The following PPP1R16B variants were observed in gnomAD, a reference collection of about 807,000 sequenced individuals.
The protein encoded by PPP1R16B is protein phosphatase 1 regulatory inhibitor subunit 16B.
PPP1R16B carries 14 observed loss-of-function variants against 61.7 expected under a neutral mutation model. The ratio of observed to expected loss-of-function variants is 0.23; its 90% CI spans 0.15 to 0.35. The LOEUF is 0.35. PPP1R16B is among the 10% of genes least tolerant of loss of function. The probability of loss-of-function intolerance (pLI) is 1.00; values close to 1 mark genes in which losing one functional copy is unlikely to be tolerated. For synonymous variants in PPP1R16B, 266 were observed against 305.3 expected (o/e 0.87, Z 1.34); for missense variants, 547 against 752.5 (o/e 0.73, Z 3.19).
At position 38,907,119 on chromosome 20, in the gene PPP1R16B, G is replaced by A; in HGVS notation, c.898+65G>A. The stretch of plus-strand genomic sequence containing the variant: ...TTATCAATGTTTTGATGGGTAGAGG[G>A]AGAAATAGATAAATATATGGTTGTA... On this transcript the variant is annotated intron_variant, in intron 8 of 10. Coordinates refer to ENST00000299824, the MANE Select transcript of PPP1R16B (RefSeq NM_015568.4). This position sits in a 1 kb window ranked among gnomAD's most constrained non-coding sequence, Gnocchi z 4.5. 7.8e-7 allele frequency: 1 copy of A among 1,274,564 alleles called. No individual in the cohort carries two copies. Among genetic ancestry groups the A allele is most frequent in the Non-Finnish European group, 1.1e-6 (1 of 872,000 alleles). 79.0% of individuals were successfully genotyped at this position (1,274,564 alleles called of 1,614,324 possible). A position where few individuals can be genotyped will look rare whatever the true frequency, so the allele number is the denominator to read the frequency against.
In PPP1R16B at chr20:38,843,860, T is replaced by A. The variant is rs550959400; in HGVS notation, c.250+7685T>A. Among the ~76,000 whole-genome samples the A allele has an allele frequency of 2.6e-5, 4 of 152,364 alleles. No individual in the cohort carries two copies. In the South Asian group the frequency reaches 8.3e-4, roughly 32 times the overall value. On this transcript the variant is annotated intron_variant, in intron 2 of 10. Transcript: ENST00000299824. ...AATGGAAGACAGTTGGAGTATCTTA[T>A]CTGCTTCTGCCTTCAATCTGTTGTG...
At chr20:38,816,571 CT>C (rs981924883) in intron 1 of PPP1R16B, among the ~76,000 whole-genome samples, 1 of 152,210 alleles carries the variant, frequency 6.6e-6, no homozygotes, top group African/African-American at 2.4e-5. Flanking sequence ...GTCGACCCAC[CT>C]GGGGGGAACC....
intron 2 of PPP1R16B, chr20:38,838,032 G>A (rs1568657931): frequency 1.3e-5 from 2 of 152,220 alleles, no homozygotes; most frequent in Non-Finnish European, 1.5e-5. Flanking sequence ...CTTGACCAAG[G>A]TGGCAGAGCG....
At chr20:38,872,392 T>C (rs1383773601) in intron 2 of PPP1R16B, among the ~76,000 whole-genome samples, 1 of 152,036 alleles carries the variant, frequency 6.6e-6, no homozygotes, top group Non-Finnish European at 1.5e-5. Flanking sequence ...CTGGCGAACA[T>C]TTGCGGAGCG....
At chr20:38,831,043 C>T (rs189086801) in intron 1 of PPP1R16B, among the ~76,000 whole-genome samples, 36 of 152,338 alleles carry the variant, frequency 2.4e-4, no homozygotes, top group South Asian at 1.0e-3. Flanking sequence ...CAATCTGACA[C>T]GGGTGGACAT....
intron 1 of PPP1R16B, among the ~76,000 whole-genome samples, chr20:38,827,316 T>C (rs576756048): frequency 1.4e-4 from 22 of 152,332 alleles, no homozygotes; most frequent in African/African-American, 5.3e-4. Flanking sequence ...GTAGGTCTGT[T>C]ATTGTTCCAC....
At chr20:38,837,550 T>G (rs1361379203) in intron 2 of PPP1R16B, among the ~76,000 whole-genome samples, 1 of 149,706 alleles carries the variant, frequency 6.7e-6, no homozygotes, top group Non-Finnish European at 1.5e-5. Flanking sequence ...TTTTTTTTCT[T>G]TTTTTTTTTG....
intron 1 of PPP1R16B, among the ~76,000 whole-genome samples, chr20:38,828,781 C>T (rs901663347): frequency 6.6e-6 from 1 of 152,256 alleles, no homozygotes; most frequent in Non-Finnish European, 1.5e-5. Flanking sequence ...CAGGACCCAG[C>T]ACTGAGTAAT....
At chr20:38,905,560 G>A (rs1392528603) in intron 6 of PPP1R16B, among the ~76,000 whole-genome samples, 2 of 152,198 alleles carry the variant, frequency 1.3e-5, no homozygotes, top group East Asian at 3.9e-4. Flanking sequence ...CTTGTTAGAA[G>A]TGAGTCACTC....
At chr20:38,900,538 TA>T in intron 4 of PPP1R16B, 42 bp from the exon 5 acceptor site, 1 of 1,544,752 alleles carries the variant, frequency 6.5e-7, no homozygotes, top group Non-Finnish European at 8.8e-7. Context: ...AGACCAACCC[TA>T]GCCACACCTA....
intron 1 of PPP1R16B, among the ~76,000 whole-genome samples, chr20:38,823,131 A>T (rs1168611053): frequency 6.6e-6 from 1 of 152,224 alleles, no homozygotes; most frequent in Non-Finnish European, 1.5e-5. Flanking sequence ...AAGGCAGAAT[A>T]CTACAGCCTG....
At chr20:38,840,720 G>A (rs2084904119) in intron 2 of PPP1R16B, among the ~76,000 whole-genome samples, 1 of 152,198 alleles carries the variant, frequency 6.6e-6, no homozygotes. Context: ...GTCATGGCTA[G>A]GAGCACAGAC....
intron 1 of PPP1R16B, among the ~76,000 whole-genome samples, chr20:38,831,080 C>A (rs181126363): frequency 1.3e-5 from 2 of 152,358 alleles, no homozygotes; most frequent in Admixed American, 1.3e-4. Context: ...TGACGAGGAA[C>A]TTGCCACCTC....
At chr20:38,896,082 CCCTTTCTG>C (rs1335579696) in intron 4 of PPP1R16B, among the ~76,000 whole-genome samples, 4 of 130,650 alleles carry the variant, frequency 3.1e-5, no homozygotes, top group Non-Finnish European at 4.7e-5. Flanking sequence ...CTCCCTTCCT[CCCTTTCTG>C]CCTTTCTTCT....
chr20:38,874,736 C>G (rs1266504951), intron 2 of PPP1R16B, among the ~76,000 whole-genome samples: 1 of 152,130 alleles, frequency 6.6e-6, no homozygotes, highest in Non-Finnish European at 1.5e-5. Context: ...CTCTTAAAAC[C>G]TGGGGTCAAG....
At chr20:38,870,163 A>G (rs574140409) in intron 2 of PPP1R16B, among the ~76,000 whole-genome samples, 23 of 152,122 alleles carry the variant, frequency 1.5e-4, no homozygotes, top group African/African-American at 5.3e-4. Context: ...ACCTCAAGTG[A>G]TTCACCTCAA....
chr20:38,891,588 T>C (rs1367594611), intron 3 of PPP1R16B, among the ~76,000 whole-genome samples: 1 of 152,152 alleles, frequency 6.6e-6, no homozygotes, highest in Non-Finnish European at 1.5e-5. Flanking sequence ...TCACCTGAAG[T>C]CAGGAGTTCA....
chr20:38,911,337 T>C (rs1246666279), intron 10 of PPP1R16B, among the ~76,000 whole-genome samples: 1 of 149,504 alleles, frequency 6.7e-6, no homozygotes, highest in Non-Finnish European at 1.5e-5. Flanking sequence ...CAGCTAATTT[T>C]TTGTATTTTC....
chr20:38,900,651 C>T lies in PPP1R16B; in HGVS notation c.538C>T (p.Leu180=). The T allele has an allele frequency of 6.3e-7, 1 of 1,593,626 alleles. No homozygotes were observed. Among genetic ancestry groups the T allele is most frequent in the Non-Finnish European group, 8.5e-7 (1 of 1,171,904 alleles). ...TGACCTCTGCGAGGATGAACCCACC[C>T]TGGATGTCATCGAGACCTGCATGGC... is the stretch of plus-strand genomic sequence containing the variant. ...PYDLCEDEPT[L]DVIETCMAYQ... The change falls in exon 5 of 11, where the codon CTG becomes TTG. Residue 180 remains leucine (L), a synonymous_variant. Transcript: ENST00000299824.
Sources: gnomAD v4.1 joint callset for allele counts (sites outside exome capture counted in the v4.1 genomes callset) on GRCh38, gnomAD v4.1.1 for gene constraint, Gnocchi (gnomAD v3.1) non-coding constraint, MANE v1.5 for transcripts, NCBI Gene and HGNC (gene_info 2026-07-23, HGNC 2026-07-21) for gene names.